Variants in TASOR2 observed in about 807,000 individuals in gnomAD.
TASOR2 encodes protein TASOR 2.
A neutral mutation model predicts 199.5 loss-of-function variants in TASOR2; 84 were observed. The ratio of observed to expected loss-of-function variants is 0.42; its 90% CI spans 0.35 to 0.50. TASOR2 has a LOEUF of 0.50. Ranked by LOEUF, TASOR2 falls within the 20% of genes least tolerant of loss-of-function variation. The pLI is 0.02. For missense variants in TASOR2, 2,796 were observed against 2,835.9 expected (o/e 0.99, Z 0.32); for synonymous variants, 1,103 against 1,046.6 (o/e 1.05, Z -1.04).
Position 5,699,937 on chromosome 10 carries a change from A to G in TASOR2, c.-287-12886A>G, listed in dbSNP as rs1837594997. 5.9e-5 allele frequency among the ~76,000 whole-genome samples: 9 copies of G among 152,138 alleles called. No individual in the cohort carries two copies. Among genetic ancestry groups the G allele is most frequent in the Admixed American group, 5.9e-4 (9 of 15,272 alleles). On this transcript the variant is annotated intron_variant, in intron 1 of 20. Transcript: ENST00000328090. The surrounding 1 kb of genome is among the most constrained non-coding windows in gnomAD (Gnocchi z 4.1). ...AGTTGGGTCATCTGTTACCTTAAAT[A>G]TTTCTCTTTTCTTTGTGCTAGAACC...
intron 1 of TASOR2, among the ~76,000 whole-genome samples, chr10:5,708,210 T>A (rs2131539856): frequency 6.6e-6 from 1 of 152,192 alleles, no homozygotes; most frequent in Non-Finnish European, 1.5e-5. Context: ...CCTTCTTCCC[T>A]TAATCAGTCA....
At chr10:5,703,738 C>T (rs1327230117) in intron 1 of TASOR2, among the ~76,000 whole-genome samples, 1 of 151,470 alleles carries the variant, frequency 6.6e-6, no homozygotes, top group Non-Finnish European at 1.5e-5. Context: ...CTCCTGACCT[C>T]GTGATCCGCC....
chr10:5,759,869 C>T (rs973250234), intron 18 of TASOR2, among the ~76,000 whole-genome samples: 1 of 152,202 alleles, frequency 6.6e-6, no homozygotes, highest in Non-Finnish European at 1.5e-5. Flanking sequence ...TTCAGCAGGT[C>T]AAGGGTATGA....
At chr10:5,749,020 G>A in exon 15 of TASOR2, 1 of 1,614,158 alleles carries the variant, frequency 6.2e-7, no homozygotes, top group South Asian at 1.1e-5. Flanking sequence ...AGATGGCTAT[G>A]AGTCGTCGTT....
At chr10:5,712,842 A>C (rs1449697435) in exon 2 of TASOR2, 2 of 1,217,924 alleles carry the variant, frequency 1.6e-6, no homozygotes, top group Non-Finnish European at 2.1e-6. Context: ...TTTTACCAAC[A>C]AAAAAAAGCA....
Position 5,740,195 on chromosome 10 carries a change from C to A in TASOR2, c.2025C>A (p.Ser675Arg), listed in dbSNP as rs1836199346. Residue 675 changes from serine (S) to arginine (R), a missense_variant, in exon 13 of 21, where the codon AGC (serine) becomes AGA (arginine). Physicochemically the swap from Ser to Arg is moderately radical, Grantham distance 110. Transcript: ENST00000328090. The surrounding 1 kb of genome is among the most constrained non-coding windows in gnomAD (Gnocchi z 5.3). Reference sequence around the variant, plus strand: ...ATCTACAGGAGAGAGAGATACTAAGCCCTCTGTTTCCCAGGAATGGGACAA... The same window carrying A: ...ATCTACAGGAGAGAGAGATACTAAGACCTCTGTTTCCCAGGAATGGGACAA... The A allele has an allele frequency of 6.2e-7, 1 of 1,614,220 alleles. No homozygotes were observed. The highest frequency in any genetic ancestry group is 2.2e-5 in the East Asian group (1 of 44,880).
intron 12 of TASOR2, among the ~76,000 whole-genome samples, chr10:5,736,067 T>C (rs559149822): frequency 6.6e-6 from 1 of 152,232 alleles, no homozygotes; most frequent in African/African-American, 2.4e-5. Flanking sequence ...CCCCCTCAAA[T>C]AGCTGGGACT....
Position 5,742,320 on chromosome 10 carries a change from T to A in TASOR2, c.2551T>A (p.Ser851Thr), listed in dbSNP as rs1419695074. 1 of 1,614,182 alleles carries A rather than the reference T, an allele frequency of 6.2e-7. No individual in the cohort carries two copies. ...TGGTTTGGAAAAATGTTCTGCAGAC[T>A]CTCTGTTGGAGACTAACGAAATTTC... Residue 851 changes from serine to threonine, a missense_variant, in exon 14 of 21, where the codon TCT becomes ACT. By Grantham distance (58) the Ser-to-Thr change is moderately conservative. Coordinates refer to ENST00000328090, the Ensembl canonical transcript of TASOR2. The surrounding 1 kb of genome is among the most constrained non-coding windows in gnomAD (Gnocchi z 4.2).
At chr10:5,733,353 C>T (rs1009571642) in intron 11 of TASOR2, among the ~76,000 whole-genome samples, 3 of 151,990 alleles carry the variant, frequency 2.0e-5, no homozygotes, top group Non-Finnish European at 4.4e-5. Flanking sequence ...ACTAAAAACA[C>T]AAAAAATAGC....
chr10:5,736,761 A>AT (rs911906075), intron 12 of TASOR2, among the ~76,000 whole-genome samples: 5 of 151,074 alleles, frequency 3.3e-5, no homozygotes, highest in African/African-American at 1.2e-4. Context: ...ACTTTCCTTA[A>AT]TTTTTTTTCC....
chr10:5,723,604 A>G lies in TASOR2; in HGVS notation c.147-73A>G, dbSNP rs2012137336. 3 of 959,036 alleles carry G rather than the reference A, an allele frequency of 3.1e-6. No homozygotes were observed. The East Asian group carries it at 8.3e-5, about 27-fold the overall frequency. 59.4% of individuals were successfully genotyped at this position (959,036 alleles called of 1,614,324 possible). A position where few individuals can be genotyped will look rare whatever the true frequency, so the allele number is the denominator to read the frequency against. ...TTATATTTTTGTTTACATTTATATT[A>G]GAAAACCAAAACTTAAGAAAATTTA... On this transcript the variant is annotated intron_variant, in intron 6 of 20. Transcript: ENST00000328090.
Position 5,740,021 on chromosome 10 carries a change from A to T in TASOR2, c.1851A>T (p.Glu617Asp). The change falls in exon 13 of 21, where the codon GAA (glutamate) becomes GAT (aspartate). Residue 617 changes from glutamate to aspartate, a missense_variant. Glu to Asp is a conservative substitution (Grantham distance 45). Transcript: ENST00000328090. The surrounding 1 kb of genome is among the most constrained non-coding windows in gnomAD (Gnocchi z 5.3). ...CAGACTTAACAGTTAGCCAAGATGA[A>T]GAAAGCTTGGTTCCTTGTAGTCAGG... The T allele has an allele frequency of 6.2e-7, 1 of 1,614,128 alleles. No individual in the cohort carries two copies. Among genetic ancestry groups the T allele is most frequent in the Non-Finnish European group, 8.5e-7 (1 of 1,180,042 alleles).
At chr10:5,734,475 A>T (rs2131600820) in intron 11 of TASOR2, among the ~76,000 whole-genome samples, 1 of 152,322 alleles carries the variant, frequency 6.6e-6, no homozygotes, top group Admixed American at 6.5e-5. Flanking sequence ...CTTTTAAAAG[A>T]TTGTTTTTCA....
At chr10:5,716,519 C>T (rs937541927) in intron 2 of TASOR2, among the ~76,000 whole-genome samples, 65 of 152,134 alleles carry the variant, frequency 4.3e-4, no homozygotes, top group African/African-American at 1.6e-3. Flanking sequence ...TTTTTCTTCT[C>T]TCCTATTTTT....
In TASOR2 at chr10:5,687,601, C is replaced by G. The variant is rs1188648788; in HGVS notation, c.-288+2426C>G. On this transcript the variant is annotated intron_variant, in intron 1 of 20. Transcript: ENST00000328090. This position sits in a 1 kb window ranked among gnomAD's most constrained non-coding sequence, Gnocchi z 4.8. ...TTGGGAGGCCAAGGCAGGTGGATCA[C>G]TTGAGGTCAGGAGTTAGGGACCAGC... Among the ~76,000 whole-genome samples, 1 of 152,240 alleles carries G rather than the reference C, an allele frequency of 6.6e-6. No homozygotes were observed. The highest frequency in any genetic ancestry group is 2.4e-5 in the African/African-American group (1 of 41,454).
Position 5,685,054 on chromosome 10 carries a change from C to T in TASOR2, c.-409C>T. 2 of 398,052 alleles carry T rather than the reference C, an allele frequency of 5.0e-6. No individual in the cohort carries two copies. The highest frequency in any genetic ancestry group is 8.9e-6 in the Non-Finnish European group (2 of 225,608). The allele number at this position is 398,052 out of a possible 1,614,324, so 24.7% of individuals were successfully genotyped here. A position where few individuals can be genotyped will look rare whatever the true frequency, so the allele number is the denominator to read the frequency against. Reference sequence around the variant, plus strand: ...GGGAGCGCGGAGCCGGCGACTGGTGCTTCCCACGTGCGCCGGTGTCGCGAG... The same window carrying T: ...GGGAGCGCGGAGCCGGCGACTGGTGTTTCCCACGTGCGCCGGTGTCGCGAG... On this transcript the variant is annotated 5_prime_UTR_variant, in exon 1 of 21. Coordinates refer to ENST00000328090, the Ensembl canonical transcript of TASOR2. This position sits in a 1 kb window ranked among gnomAD's most constrained non-coding sequence, Gnocchi z 5.4.
Position 5,706,937 on chromosome 10 carries a change from A to C in TASOR2, c.-287-5886A>C, listed in dbSNP as rs1484920904. On this transcript the variant is annotated intron_variant, in intron 1 of 20. Coordinates refer to ENST00000328090, the Ensembl canonical transcript of TASOR2. This position sits in a 1 kb window ranked among gnomAD's most constrained non-coding sequence, Gnocchi z 4.8. Reference sequence around the variant, plus strand: ...AGAGTTGCTTGAACCCGGGAGGTGGAGGTTGCAGTGAACCAGAATCAAGCC... The same window carrying C: ...AGAGTTGCTTGAACCCGGGAGGTGGCGGTTGCAGTGAACCAGAATCAAGCC... Among the ~76,000 whole-genome samples, 2 of 151,836 alleles carry C rather than the reference A, an allele frequency of 1.3e-5. No homozygotes were observed. Among genetic ancestry groups the C allele is most frequent in the Non-Finnish European group, 2.9e-5 (2 of 67,964 alleles).
rs1196924012 is a variant in TASOR2 at position 5,720,829 on chromosome 10, C to G, written c.47-42C>G. The G allele has an allele frequency of 1.7e-5, 27 of 1,592,104 alleles. No individual in the cohort carries two copies. The Middle Eastern group carries it at 8.4e-4, about 50-fold the overall frequency. ...TTTTTTTTTTCTTGAGTAAATGTTTCATCATAAATAATCAGTTTCTTTTTT... is the reference window on the plus strand; with the variant it reads ...TTTTTTTTTTCTTGAGTAAATGTTTGATCATAAATAATCAGTTTCTTTTTT... On this transcript the variant is annotated intron_variant, in intron 5 of 20. Coordinates refer to ENST00000328090, the Ensembl canonical transcript of TASOR2. The surrounding 1 kb of genome is among the most constrained non-coding windows in gnomAD (Gnocchi z 5.3).
rs898545860 is a variant in TASOR2 at position 5,747,505 on chromosome 10, G to T, written c.4084G>T (p.Asp1362Tyr). The T allele has an allele frequency of 1.1e-5, 18 of 1,613,958 alleles. No individual in the cohort carries two copies. The African/African-American group carries it at 1.9e-4, about 17-fold the overall frequency. The change falls in exon 15 of 21, where the codon GAT (aspartate) becomes TAT (tyrosine). Residue 1362 changes from aspartate to tyrosine, a missense_variant. Physicochemically the swap from Asp to Tyr is radical, Grantham distance 160. Transcript: ENST00000328090. Reference sequence around the variant, plus strand: ...AGTAGAAAATAAGGAGAGAAAGGGGGATAATTTACAACCAGTTACTTTAAT... The same window carrying T: ...AGTAGAAAATAAGGAGAGAAAGGGGTATAATTTACAACCAGTTACTTTAAT...
Sources: allele counts gnomAD v4.1 joint callset (sites outside exome capture counted in the v4.1 genomes callset), GRCh38; gene constraint gnomAD v4.1.1; non-coding constraint Gnocchi (gnomAD v3.1); transcripts MANE v1.5; gene names NCBI Gene and HGNC (gene_info 2026-07-23, HGNC 2026-07-21).